Variants in PCDHGB1 observed in about 807,000 individuals in gnomAD.
PCDHGB1 encodes the protein protocadherin gamma subfamily B, 1, also known as protocadherin gamma-B1.
In PCDHGB1, 34 loss-of-function variants were observed where a neutral mutation model predicts 56.6. That is an observed-to-expected ratio of 0.60 (90% CI 0.46 to 0.80). The LOEUF (loss-of-function observed/expected upper bound fraction) is 0.80, where lower values mean the gene tolerates loss of function less well. PCDHGB1 is among the 30% of genes least tolerant of loss of function. The probability of loss-of-function intolerance (pLI) is 0.00; values close to 1 mark genes in which losing one functional copy is unlikely to be tolerated. For missense variants in PCDHGB1, 1,278 were observed against 1,204.6 expected (o/e 1.06, Z -0.90); for synonymous variants, 561 against 505.9 (o/e 1.11, Z -1.46).
At position 141,496,266 on chromosome 5, in the gene PCDHGB1, AAGACCTTC is replaced by A. The variant is rs2099767586; in HGVS notation, c.2468+1404_2468+1411del. Among the ~76,000 whole-genome samples the A allele has an allele frequency of 2.0e-5, 3 of 152,152 alleles. No homozygotes were observed. The South Asian group carries it at 6.2e-4, about 32-fold the overall frequency. Reference sequence around the variant, plus strand: ...TGAAGGGGAGGGAAACTTCAGCAGAAAGACCTTCAGTTGGTCTGAGCAGAGTGGGATAG... The same window carrying A: ...TGAAGGGGAGGGAAACTTCAGCAGAAAGTTGGTCTGAGCAGAGTGGGATAG... On this transcript the variant is annotated intron_variant, in intron 2 of 3. Coordinates refer to ENST00000523390, the MANE Select transcript of PCDHGB1 (RefSeq NM_018922.3).
chr5:141,491,291 C>A lies in PCDHGB1; in HGVS notation c.2410-3516C>A. The A allele has an allele frequency of 8.1e-6, 13 of 1,614,152 alleles. No individual in the cohort carries two copies. Among genetic ancestry groups the A allele is most frequent in the Non-Finnish European group, 1.1e-5 (13 of 1,179,974 alleles). On this transcript the variant is annotated intron_variant, in intron 1 of 3. Transcript: ENST00000523390. This position sits in a 1 kb window ranked among gnomAD's most constrained non-coding sequence, Gnocchi z 6.9. The stretch of plus-strand genomic sequence containing the variant: ...AAATCCAGTGACTTCCTCATACACC[C>A]TCCTGAGCGTTCAGACCTTACCCTT...
At chr5:141,507,865 T>C (rs2099864402) in intron 3 of PCDHGB1, among the ~76,000 whole-genome samples, 1 of 152,128 alleles carries the variant, frequency 6.6e-6, no homozygotes. Context: ...CACACCCGCT[T>C]CCTAGCCCTG....
Position 141,419,293 on chromosome 5 carries a change from C to A in PCDHGB1, c.2409+66624C>A, listed in dbSNP as rs748856660. 1.5e-5 allele frequency: 25 copies of A among 1,614,026 alleles called. No individual in the cohort carries two copies. The African/African-American group carries it at 3.2e-4, about 21-fold the overall frequency. Reference sequence around the variant, plus strand: ...CCATAGCGCAAGTCAGTGCCTCTGACCCAGACTTCGGGCTCAACGGCCGTG... The same window carrying A: ...CCATAGCGCAAGTCAGTGCCTCTGAACCAGACTTCGGGCTCAACGGCCGTG... On this transcript the variant is annotated intron_variant, in intron 1 of 3. Transcript: ENST00000523390.
At chr5:141,434,323 T>G (rs578049856) in intron 1 of PCDHGB1, among the ~76,000 whole-genome samples, 1 of 152,358 alleles carries the variant, frequency 6.6e-6, no homozygotes, top group South Asian at 2.1e-4. Flanking sequence ...CTCTTGCTGC[T>G]TGTCTCTTTG....
intron 1 of PCDHGB1, chr5:141,371,795 T>C (rs748704102): frequency 1.2e-6 from 2 of 1,613,908 alleles, no homozygotes; most frequent in Non-Finnish European, 1.7e-6. Flanking sequence ...ACAATCCGCC[T>C]GGAGCCTCCA....
intron 1 of PCDHGB1, chr5:141,384,502 C>A: frequency 6.2e-7 from 1 of 1,614,194 alleles, no homozygotes; most frequent in Non-Finnish European, 8.5e-7. Context: ...AGTGACTGCA[C>A]ATGACAGCGG....
intron 1 of PCDHGB1, among the ~76,000 whole-genome samples, chr5:141,482,800 G>C (rs10052648): frequency 0.023 from 2,992 of 130,874 alleles, 96 homozygotes; most frequent in African/African-American, 0.087. Context: ...GGCCGGGTAC[G>C]GTGGCTCATG....
chr5:141,361,727 C>A, intron 1 of PCDHGB1: 1 of 1,613,274 alleles, frequency 6.2e-7, no homozygotes, highest in Non-Finnish European at 8.5e-7. Flanking sequence ...TTCGAGCTCA[C>A]ACTGCAGGCC....
intron 1 of PCDHGB1, chr5:141,409,456 C>T: frequency 1.2e-6 from 2 of 1,613,974 alleles, no homozygotes; most frequent in Middle Eastern, 3.3e-4. Context: ...CACCAGAATA[C>T]AATGTCACCA....
chr5:141,489,238 G>A lies in PCDHGB1; in HGVS notation c.2410-5569G>A. On this transcript the variant is annotated intron_variant, in intron 1 of 3. Coordinates refer to ENST00000523390, the MANE Select transcript of PCDHGB1 (RefSeq NM_018922.3). The surrounding 1 kb of genome is among the most constrained non-coding windows in gnomAD (Gnocchi z 4.5). ...TTACTCTCCACAAAGGGACTTCTGG[G>A]TCATGGGGCCCAAGACACTCCCACA... 6.5e-7 allele frequency: 1 copy of A among 1,534,146 alleles called. No homozygotes were observed.
chr5:141,449,165 G>A (rs144669334), intron 1 of PCDHGB1, among the ~76,000 whole-genome samples: 3 of 152,234 alleles, frequency 2.0e-5, no homozygotes, highest in Admixed American at 1.3e-4. Context: ...GGAAATAGGT[G>A]TAATTTTCTT....
At chr5:141,457,111 G>T (rs922281700) in intron 1 of PCDHGB1, among the ~76,000 whole-genome samples, 1 of 152,120 alleles carries the variant, frequency 6.6e-6, no homozygotes, top group African/African-American at 2.4e-5. Context: ...AGCAAAATAC[G>T]ACAGCAATGG....
intron 1 of PCDHGB1, chr5:141,385,756 T>A: frequency 5.6e-6 from 1 of 179,052 alleles, no homozygotes; most frequent in Non-Finnish European, 1.1e-5. Flanking sequence ...GATTTTTTTC[T>A]GTGGCTGATT....
At chr5:141,464,685 C>A (rs1283627323) in intron 1 of PCDHGB1, among the ~76,000 whole-genome samples, 1 of 152,006 alleles carries the variant, frequency 6.6e-6, no homozygotes, top group Non-Finnish European at 1.5e-5. Flanking sequence ...ATTAAAATTT[C>A]TCTTATTATG....
At chr5:141,356,117 G>T (rs1012623543) in intron 1 of PCDHGB1, 4 of 1,613,752 alleles carry the variant, frequency 2.5e-6, no homozygotes, top group Non-Finnish European at 3.4e-6. Context: ...ATATTGGGGG[G>T]TCTAGATTAT....
At chr5:141,474,964 CATT>C (rs1489874965) in intron 1 of PCDHGB1, among the ~76,000 whole-genome samples, 1 of 152,216 alleles carries the variant, frequency 6.6e-6, no homozygotes, top group Non-Finnish European at 1.5e-5. Context: ...CTATCCTAAT[CATT>C]ATAATTTTGT....
intron 2 of PCDHGB1, among the ~76,000 whole-genome samples, chr5:141,502,238 T>A (rs2099813398): frequency 6.6e-6 from 1 of 152,204 alleles, no homozygotes; most frequent in Non-Finnish European, 1.5e-5. Flanking sequence ...TGTGTTCTTT[T>A]ATCCTTTTTT....
intron 1 of PCDHGB1, among the ~76,000 whole-genome samples, chr5:141,484,389 G>A (rs1336850919): frequency 6.6e-6 from 1 of 152,140 alleles, no homozygotes; most frequent in Non-Finnish European, 1.5e-5. Flanking sequence ...GAATAAGAAA[G>A]GTTTGGTTTC....
At chr5:141,501,470 TG>T (rs1206698871) in intron 2 of PCDHGB1, among the ~76,000 whole-genome samples, 1 of 152,068 alleles carries the variant, frequency 6.6e-6, no homozygotes, top group African/African-American at 2.4e-5. Flanking sequence ...CCCCAAATCC[TG>T]GAAGAGTCCC....
Sources: gnomAD v4.1 joint callset for allele counts (sites outside exome capture counted in the v4.1 genomes callset) on GRCh38, gnomAD v4.1.1 for gene constraint, Gnocchi (gnomAD v3.1) non-coding constraint, MANE v1.5 for transcripts, NCBI Gene and HGNC (gene_info 2026-07-23, HGNC 2026-07-21) for gene names.